Variants in VPS13A observed in about 807,000 individuals in gnomAD.
The protein encoded by VPS13A is intermembrane lipid transfer protein VPS13A.
A neutral mutation model predicts 390.9 loss-of-function variants in VPS13A; 264 were observed. That is an observed-to-expected ratio of 0.68 (90% CI 0.61 to 0.75). The LOEUF (loss-of-function observed/expected upper bound fraction) is 0.75. Ranked by LOEUF, VPS13A falls within the 30% of genes least tolerant of loss-of-function variation. The pLI, the probability that VPS13A is intolerant of heterozygous loss-of-function variation, is 0.00. For synonymous variants in VPS13A, 1,231 were observed against 1,227.1 expected (o/e 1.00, Z -0.07); for missense variants, 3,409 against 3,733.9 (o/e 0.91, Z 2.27).
chr9:77,291,712 T>A (rs574708876), intron 31 of VPS13A, among the ~76,000 whole-genome samples: 1 of 152,296 alleles, frequency 6.6e-6, no homozygotes, highest in South Asian at 2.1e-4. Flanking sequence ...TGTTTCTTAG[T>A]GCTTGTGAGC....
chr9:77,258,613 G>T (rs957075648), intron 22 of VPS13A, among the ~76,000 whole-genome samples: 1 of 152,008 alleles, frequency 6.6e-6, no homozygotes, highest in Non-Finnish European at 1.5e-5. Context: ...ACCATGCTAC[G>T]CATTCCCTTG....
At chr9:77,227,609 T>C (rs1163589478) in intron 16 of VPS13A, 124 bp downstream of exon 16, 6 of 737,528 alleles carry the variant, frequency 8.1e-6, no homozygotes, top group Non-Finnish European at 1.4e-5. Context: ...AGCCTTAACC[T>C]GGCCTCAAGC....
intron 68 of VPS13A, among the ~76,000 whole-genome samples, chr9:77,397,795 T>G (rs1834178752): frequency 6.6e-6 from 1 of 152,204 alleles, no homozygotes; most frequent in South Asian, 2.1e-4. Flanking sequence ...ACCTATAGAT[T>G]CTGACAATTG....
intron 19 of VPS13A, among the ~76,000 whole-genome samples, chr9:77,239,836 A>G (rs1457038410): frequency 2.6e-5 from 4 of 151,754 alleles, no homozygotes; most frequent in Admixed American, 6.6e-5. Context: ...CTTCCCTACA[A>G]TCTACTATTG....
chr9:77,178,159 C>T (rs771971206), intron 1 of VPS13A: 3 of 284,742 alleles, frequency 1.1e-5, no homozygotes, highest in Non-Finnish European at 2.0e-5. Context: ...CCGCGCGGGG[C>T]GAGGAGGCGA....
At chr9:77,300,635 G>A (rs1457467090) in intron 33 of VPS13A, among the ~76,000 whole-genome samples, 4 of 152,198 alleles carry the variant, frequency 2.6e-5, no homozygotes, top group Non-Finnish European at 5.9e-5. Flanking sequence ...ATGGGACTGA[G>A]GCAGGAGAAT....
intron 68 of VPS13A, among the ~76,000 whole-genome samples, chr9:77,383,441 A>C (rs1229525379): frequency 6.6e-6 from 1 of 152,028 alleles, no homozygotes; most frequent in Non-Finnish European, 1.5e-5. Context: ...TGATACAGTC[A>C]AAACATGTAT....
intron 5 of VPS13A, among the ~76,000 whole-genome samples, chr9:77,209,082 G>A (rs1825832577): frequency 6.6e-6 from 1 of 152,136 alleles, no homozygotes; most frequent in South Asian, 2.1e-4. Context: ...TTTCTGCTTT[G>A]CTGCTGTTAG....
intron 68 of VPS13A, among the ~76,000 whole-genome samples, chr9:77,388,088 G>C (rs1253767914): frequency 6.6e-6 from 1 of 152,148 alleles, no homozygotes; most frequent in Admixed American, 6.5e-5. Flanking sequence ...TTGCAAAATA[G>C]TAAAGGGTCT....
intron 33 of VPS13A, 143 bp downstream of exon 33, chr9:77,295,989 T>C: frequency 2.2e-6 from 2 of 922,020 alleles, no homozygotes; most frequent in Non-Finnish European, 3.1e-6. Flanking sequence ...TCCTTAAGTA[T>C]ATTTTGGCAA....
chr9:77,222,725 G>C (rs1823293532), intron 13 of VPS13A, among the ~76,000 whole-genome samples: 1 of 152,102 alleles, frequency 6.6e-6, no homozygotes, highest in Non-Finnish European at 1.5e-5. Context: ...GATCTTTGCT[G>C]TTACTGTTGT....
At chr9:77,333,048 C>A (rs1390968877) in intron 46 of VPS13A, among the ~76,000 whole-genome samples, 1 of 152,044 alleles carries the variant, frequency 6.6e-6, no homozygotes, top group East Asian at 1.9e-4. Flanking sequence ...GAGAGAACAA[C>A]AAAATAGTCA....
chr9:77,222,466 A>G (rs572453695), intron 13 of VPS13A, among the ~76,000 whole-genome samples: 4 of 152,208 alleles, frequency 2.6e-5, no homozygotes, highest in Non-Finnish European at 4.4e-5. Flanking sequence ...AAAAGTGTTA[A>G]GTATTAAAAA....
At chr9:77,215,635 A>G (rs1347662200) in intron 10 of VPS13A, among the ~76,000 whole-genome samples, 2 of 152,222 alleles carry the variant, frequency 1.3e-5, no homozygotes, top group Non-Finnish European at 2.9e-5. Context: ...GGACTGTCTC[A>G]TAAAAATGCT....
chr9:77,362,626 A>T (rs1209197777), intron 59 of VPS13A, among the ~76,000 whole-genome samples: 1 of 152,210 alleles, frequency 6.6e-6, no homozygotes, highest in Non-Finnish European at 1.5e-5. Context: ...TGAATTTTAG[A>T]ATCAACTTGT....
intron 32 of VPS13A, among the ~76,000 whole-genome samples, chr9:77,294,159 G>A (rs1409478504): frequency 4.7e-4 from 71 of 150,422 alleles, no homozygotes; most frequent in Admixed American, 4.7e-3. Context: ...GGCCTCAAGT[G>A]ATCCTCCTGC....
chr9:77,392,787 A>C (rs1362123823), intron 68 of VPS13A, among the ~76,000 whole-genome samples: 2 of 148,716 alleles, frequency 1.3e-5, no homozygotes, highest in East Asian at 4.0e-4. Flanking sequence ...ATATATATAC[A>C]CACCTTAATT....
chr9:77,398,084 A>G (rs1834192293), intron 68 of VPS13A, among the ~76,000 whole-genome samples: 1 of 152,176 alleles, frequency 6.6e-6, no homozygotes, highest in South Asian at 2.1e-4. Context: ...ATCACAAATT[A>G]TTTTAATAGA....
intron 1 of VPS13A, among the ~76,000 whole-genome samples, chr9:77,179,409 A>G (rs11145320): frequency 0.01 from 1,567 of 152,246 alleles, 17 homozygotes; most frequent in Non-Finnish European, 0.016. Context: ...GCTAATTTTT[A>G]GTAGAGAGGG....
Sources: gnomAD v4.1 joint callset for allele counts (sites outside exome capture counted in the v4.1 genomes callset) on GRCh38, gnomAD v4.1.1 for gene constraint, MANE v1.5 for transcripts, NCBI Gene and HGNC (gene_info 2026-07-23, HGNC 2026-07-21) for gene names.